Variants in RPTOR observed in about 807,000 individuals in gnomAD.
The protein encoded by RPTOR is regulatory-associated protein of mTOR.
Under a neutral mutation model 169.9 loss-of-function variants are expected in RPTOR, and 21 were observed. The ratio of observed to expected loss-of-function variants is 0.12; its 90% CI spans 0.09 to 0.18. RPTOR has a LOEUF of 0.18. Ranked by LOEUF, RPTOR falls within the 10% of genes least tolerant of loss-of-function variation. The pLI is 1.00. For missense variants in RPTOR, 1,133 were observed against 1,855.9 expected (o/e 0.61, Z 7.16); for synonymous variants, 732 against 753.2 (o/e 0.97, Z 0.46).
chr17:80,720,039 C>G (rs1041209652), intron 4 of RPTOR, among the ~76,000 whole-genome samples: 1 of 152,074 alleles, frequency 6.6e-6, no homozygotes, highest in Non-Finnish European at 1.5e-5. Flanking sequence ...CGGTGGCTCA[C>G]GCCTGTAATC....
intron 16 of RPTOR, among the ~76,000 whole-genome samples, chr17:80,884,237 G>T (rs558553550): frequency 6.6e-6 from 1 of 152,232 alleles, no homozygotes; most frequent in Non-Finnish European, 1.5e-5. Flanking sequence ...CAGGGGTCAC[G>T]TGCTCGCTGT....
At position 80,634,507 on chromosome 17, in the gene RPTOR, CTG is replaced by C. The variant is rs1371667192; in HGVS notation, c.265+8725_265+8726del. On this transcript the variant is annotated intron_variant, in intron 2 of 33. Transcript: ENST00000306801. ...TGTGTGCATACTGTGTGTGTGCATA[CTG>C]TGTGTGTGTGCGTACTGTGTGCATG... 5.2e-4 allele frequency among the ~76,000 whole-genome samples: 56 copies of C among 106,868 alleles called. 2 individuals carry two copies. The highest frequency in any genetic ancestry group is 2.2e-3 in the South Asian group (7 of 3,252). The allele number at this position is 106,868 out of a possible 152,430, so 70.1% of individuals were successfully genotyped here. A position where few individuals can be genotyped will look rare whatever the true frequency, so the allele number is the denominator to read the frequency against.
chr17:80,786,947 G>A (rs1177048772), intron 6 of RPTOR, among the ~76,000 whole-genome samples: 3 of 152,194 alleles, frequency 2.0e-5, no homozygotes, highest in African/African-American at 4.8e-5. Context: ...CTTTTAAGCA[G>A]TTAATTAACA....
At chr17:80,891,215 G>A (rs2068318657) in intron 17 of RPTOR, among the ~76,000 whole-genome samples, 1 of 152,208 alleles carries the variant, frequency 6.6e-6, no homozygotes, top group Non-Finnish European at 1.5e-5. Context: ...TCCCTCTTAG[G>A]GACTAGAAAC....
intron 7 of RPTOR, among the ~76,000 whole-genome samples, chr17:80,808,488 T>G (rs947685170): frequency 6.6e-6 from 1 of 152,250 alleles, no homozygotes; most frequent in Non-Finnish European, 1.5e-5. Flanking sequence ...CTCATTTTTA[T>G]TTGTTTGAAA....
chr17:80,878,685 G>C lies in RPTOR; in HGVS notation c.1510-1730G>C, dbSNP rs982670828. ...AAAACTTTACCTGGGTCCCTGACTA[G>C]TAAGAGGGAGAACCTGGACTTGAAA... On this transcript the variant is annotated intron_variant, in intron 13 of 33. Transcript: ENST00000306801. This position sits in a 1 kb window ranked among gnomAD's most constrained non-coding sequence, Gnocchi z 4.1. Among the ~76,000 whole-genome samples, 8 of 152,202 alleles carry C rather than the reference G, an allele frequency of 5.3e-5. No individual in the cohort carries two copies. Among genetic ancestry groups the C allele is most frequent in the African/African-American group, 1.9e-4 (8 of 41,452 alleles).
chr17:80,755,821 TTC>T (rs2066675641), intron 6 of RPTOR, among the ~76,000 whole-genome samples: 1 of 151,878 alleles, frequency 6.6e-6, no homozygotes, highest in Non-Finnish European at 1.5e-5. Context: ...TCTGCAGTGT[TTC>T]TGCTGTCCAG....
intron 24 of RPTOR, chr17:80,940,287 TGTGTC>T (rs2069007922): frequency 1.2e-5 from 6 of 509,024 alleles, no homozygotes; most frequent in Non-Finnish European, 1.7e-5. Flanking sequence ...GCGTTGACAC[TGTGTC>T]GGGTATGGCG....
At chr17:80,658,229 G>T (rs1338636203) in intron 3 of RPTOR, among the ~76,000 whole-genome samples, 4 of 152,080 alleles carry the variant, frequency 2.6e-5, no homozygotes, top group Non-Finnish European at 5.9e-5. Flanking sequence ...ATTCTTTCCT[G>T]CATTTCTGTC....
At chr17:80,892,274 C>T (rs2068335119) in intron 18 of RPTOR, among the ~76,000 whole-genome samples, 1 of 152,142 alleles carries the variant, frequency 6.6e-6, no homozygotes, top group South Asian at 2.1e-4. Flanking sequence ...CCGGCAGCCC[C>T]TCCCGCTTCC....
chr17:80,703,228 C>T (rs1296815779), intron 3 of RPTOR, among the ~76,000 whole-genome samples: 2 of 152,220 alleles, frequency 1.3e-5, no homozygotes, highest in Admixed American at 6.5e-5. Context: ...TAGTTGACAG[C>T]GCTTTTTCCT....
intron 3 of RPTOR, among the ~76,000 whole-genome samples, chr17:80,677,267 G>A: frequency 6.6e-6 from 1 of 152,176 alleles, no homozygotes; most frequent in East Asian, 1.9e-4. Flanking sequence ...CTCTTCAGCT[G>A]TCATAACTCT....
chr17:80,566,107 T>A (rs1418311161), intron 1 of RPTOR, among the ~76,000 whole-genome samples: 1 of 152,238 alleles, frequency 6.6e-6, no homozygotes, highest in Non-Finnish European at 1.5e-5. Context: ...TCCACGGCTC[T>A]CTACCTGTCT....
chr17:80,948,346 G>C (rs2069128218), intron 27 of RPTOR, among the ~76,000 whole-genome samples: 1 of 152,262 alleles, frequency 6.6e-6, no homozygotes, highest in South Asian at 2.1e-4. Flanking sequence ...TCAGGACCAA[G>C]TAGCATCAAC....
chr17:80,800,910 A>G (rs949240975), intron 7 of RPTOR, among the ~76,000 whole-genome samples: 3 of 152,234 alleles, frequency 2.0e-5, no homozygotes, highest in Non-Finnish European at 4.4e-5. Context: ...TTAAACCGCT[A>G]ACAATCCATT....
Position 80,820,566 on chromosome 17 carries a change from C to A in RPTOR, c.891-1635C>A, listed in dbSNP as rs951833960. Among the ~76,000 whole-genome samples, 1 of 152,110 alleles carries A rather than the reference C, an allele frequency of 6.6e-6. No individual in the cohort carries two copies. The highest frequency in any genetic ancestry group is 2.1e-4 in the South Asian group (1 of 4,832). ...GGTGTGCCCCACCCTCACATTCCTC[C>A]GTGGGGCCAAGCTCTGTCGTAGGTT... is the stretch of plus-strand genomic sequence containing the variant. On this transcript the variant is annotated intron_variant, in intron 7 of 33. Transcript: ENST00000306801. This position sits in a 1 kb window ranked among gnomAD's most constrained non-coding sequence, Gnocchi z 4.1.
intron 25 of RPTOR, 120 bp from the exon 26 acceptor site, chr17:80,945,547 G>T: frequency 1.8e-6 from 1 of 549,150 alleles, no homozygotes; most frequent in Non-Finnish European, 3.2e-6. Flanking sequence ...AGCCAAGATT[G>T]CACCACTGCA....
At chr17:80,930,514 T>TACC (rs2068883770) in intron 24 of RPTOR, among the ~76,000 whole-genome samples, 1 of 6,128 alleles carries the variant, frequency 1.6e-4, no homozygotes, top group Non-Finnish European at 3.5e-4. Flanking sequence ...CAGCTCATCT[T>TACC]CAGCTTATCC....
chr17:80,735,079 T>C (rs2143224254), intron 5 of RPTOR, among the ~76,000 whole-genome samples: 1 of 152,298 alleles, frequency 6.6e-6, no homozygotes, highest in South Asian at 2.1e-4. Flanking sequence ...CAGACTTCGC[T>C]TTAGACCGAG....
Sources: allele counts gnomAD v4.1 joint callset (sites outside exome capture counted in the v4.1 genomes callset), GRCh38; gene constraint gnomAD v4.1.1; non-coding constraint Gnocchi (gnomAD v3.1); transcripts MANE v1.5; gene names NCBI Gene and HGNC (gene_info 2026-07-23, HGNC 2026-07-21).